The following GPC6 variants were observed in gnomAD, a reference collection of about 807,000 sequenced individuals.
The protein encoded by GPC6 is glypican 6.
Under a neutral mutation model 55.2 loss-of-function variants are expected in GPC6, and 14 were observed. The observed-to-expected ratio is 0.25, with a 90% CI of 0.17 to 0.40. The LOEUF (loss-of-function observed/expected upper bound fraction) is 0.40. Among genes scored for constraint, GPC6 ranks in the 10% least tolerant of loss-of-function variants. The pLI, the probability that GPC6 is intolerant of heterozygous loss-of-function variation, is 1.00. For missense variants in GPC6, 641 were observed against 708.5 expected (o/e 0.90, Z 1.08); for synonymous variants, 278 against 259.6 (o/e 1.07, Z -0.68).
chr13:93,862,364 A>G (rs1014987978), intron 3 of GPC6, among the ~76,000 whole-genome samples: 3 of 151,194 alleles, frequency 2.0e-5, no homozygotes, highest in Non-Finnish European at 3.0e-5. Flanking sequence ...CAGGGGAGAT[A>G]TTGCCACTTC....
At chr13:93,553,971 C>CT (rs1491439998) in intron 2 of GPC6, among the ~76,000 whole-genome samples, 2 of 22,192 alleles carry the variant, frequency 9.0e-5, no homozygotes, top group Non-Finnish European at 1.5e-4. Flanking sequence ...TCCGTCTCTA[C>CT]TAAAAAAAAA....
intron 4 of GPC6, among the ~76,000 whole-genome samples, chr13:94,216,048 A>T (rs1890217868): frequency 6.6e-6 from 1 of 152,188 alleles, no homozygotes; most frequent in African/African-American, 2.4e-5. Flanking sequence ...AATCTGTAGG[A>T]AGAGTGAAAA....
chr13:94,055,805 A>G lies in GPC6; in HGVS notation c.877+27911A>G, dbSNP rs538243550. The stretch of plus-strand genomic sequence containing the variant: ...CAAGTGCCCTTTTCCTAAAAAAAAC[A>G]AAAAGTAAAAAAATAGCCATAGCTA... On this transcript the variant is annotated intron_variant, in intron 4 of 8. Coordinates refer to ENST00000377047, the MANE Select transcript of GPC6 (RefSeq NM_005708.5). 2.0e-5 allele frequency among the ~76,000 whole-genome samples: 3 copies of G among 152,320 alleles called. No homozygotes were observed. In the South Asian group the frequency reaches 6.2e-4, roughly 32 times the overall value.
At chr13:93,736,369 T>C (rs1884001996) in intron 2 of GPC6, among the ~76,000 whole-genome samples, 1 of 152,254 alleles carries the variant, frequency 6.6e-6, no homozygotes, top group African/African-American at 2.4e-5. Flanking sequence ...GCTGCTATTA[T>C]GTTTCATTGC....
chr13:93,807,240 T>C (rs1285506597), intron 2 of GPC6, among the ~76,000 whole-genome samples: 1 of 152,168 alleles, frequency 6.6e-6, no homozygotes, highest in African/African-American at 2.4e-5. Context: ...CAAGAAACAA[T>C]TAAAATGTAA....
chr13:94,150,403 G>A (rs1251645136), intron 4 of GPC6, among the ~76,000 whole-genome samples: 1 of 151,996 alleles, frequency 6.6e-6, no homozygotes, highest in Non-Finnish European at 1.5e-5. Flanking sequence ...TCTTTAGTTA[G>A]CTTTGAAGTC....
At chr13:93,860,316 G>A (rs12428209) in intron 3 of GPC6, among the ~76,000 whole-genome samples, 5,672 of 151,588 alleles carry the variant, frequency 0.037, 277 homozygotes, top group East Asian at 0.17. Flanking sequence ...CCTTATTAGC[G>A]CCAGGCTCAC....
At chr13:93,545,235 A>G in intron 1 of GPC6, 28 bp from the exon 2 acceptor site, 1 of 1,595,916 alleles carries the variant, frequency 6.3e-7, no homozygotes, top group Non-Finnish European at 8.6e-7. Context: ...CTTAGAATGC[A>G]ATAGTGACAT....
intron 1 of GPC6, among the ~76,000 whole-genome samples, chr13:93,288,557 AT>A (rs1315922100): frequency 6.6e-6 from 1 of 152,184 alleles, no homozygotes; most frequent in African/African-American, 2.4e-5. Flanking sequence ...GATTTGTGAT[AT>A]TTAGATGTAT....
At chr13:93,857,805 T>C (rs1409140781) in intron 3 of GPC6, among the ~76,000 whole-genome samples, 1 of 151,422 alleles carries the variant, frequency 6.6e-6, no homozygotes, top group Non-Finnish European at 1.5e-5. Flanking sequence ...AGAAAATGTA[T>C]ATATACACCC....
chr13:93,391,019 A>G lies in GPC6; in HGVS notation c.161-154244A>G, dbSNP rs9301878. 0.012 allele frequency among the ~76,000 whole-genome samples: 1,854 copies of G among 152,136 alleles called. 230 individuals carry two copies. The East Asian group carries it at 0.29, about 24-fold the overall frequency. ...ATTATGGGGAAGAATCTGCTTTATCATGGGTAGTGTGCCTGGTAATCAAGG... is the reference window on the plus strand; with the variant it reads ...ATTATGGGGAAGAATCTGCTTTATCGTGGGTAGTGTGCCTGGTAATCAAGG... On this transcript the variant is annotated intron_variant, in intron 1 of 8. Transcript: ENST00000377047.
At chr13:94,191,400 AGT>A (rs1163472862) in intron 4 of GPC6, among the ~76,000 whole-genome samples, 2 of 152,288 alleles carry the variant, frequency 1.3e-5, no homozygotes, top group East Asian at 3.9e-4. Context: ...GTCTTGAGCC[AGT>A]GTCAAGTTTG....
At chr13:94,375,034 C>T (rs1410254566) in intron 6 of GPC6, among the ~76,000 whole-genome samples, 1 of 148,762 alleles carries the variant, frequency 6.7e-6, no homozygotes, top group Non-Finnish European at 1.5e-5. Flanking sequence ...ACACAACATA[C>T]CAGAATCTCT....
chr13:94,176,794 G>A (rs1056292935), intron 4 of GPC6, among the ~76,000 whole-genome samples: 6 of 152,182 alleles, frequency 3.9e-5, no homozygotes, highest in South Asian at 4.1e-4. Context: ...AACCCACAAA[G>A]GAGAACAGAT....
At chr13:93,585,860 A>G (rs1016087851) in intron 2 of GPC6, among the ~76,000 whole-genome samples, 3 of 152,300 alleles carry the variant, frequency 2.0e-5, no homozygotes, top group African/African-American at 7.2e-5. Flanking sequence ...TGTTATAGGA[A>G]AATAAGGAAT....
chr13:93,582,810 C>T (rs1452568725), intron 2 of GPC6, among the ~76,000 whole-genome samples: 1 of 152,098 alleles, frequency 6.6e-6, no homozygotes, highest in Non-Finnish European at 1.5e-5. Flanking sequence ...GTCAAACGTG[C>T]TAGGAAAAGC....
At chr13:93,934,563 G>A (rs185554886) in intron 3 of GPC6, among the ~76,000 whole-genome samples, 1 of 152,028 alleles carries the variant, frequency 6.6e-6, no homozygotes, top group Admixed American at 6.6e-5. Context: ...GATTTTCATC[G>A]CTGCAACAGG....
chr13:93,630,347 A>G (rs1299483762), intron 2 of GPC6, among the ~76,000 whole-genome samples: 1 of 152,206 alleles, frequency 6.6e-6, no homozygotes, highest in African/African-American at 2.4e-5. Flanking sequence ...TCCAACTTCT[A>G]CGGACACTTC....
intron 1 of GPC6, among the ~76,000 whole-genome samples, chr13:93,481,179 T>C (rs564527855): frequency 2.0e-4 from 30 of 152,316 alleles, no homozygotes; most frequent in African/African-American, 6.5e-4. Context: ...TGTATTTTCC[T>C]GATGGCTGAC....
Sources: gnomAD v4.1 joint callset for allele counts (sites outside exome capture counted in the v4.1 genomes callset) on GRCh38, gnomAD v4.1.1 for gene constraint, MANE v1.5 for transcripts, NCBI Gene and HGNC (gene_info 2026-07-23, HGNC 2026-07-21) for gene names.